The following PCDHA8 variants were observed in gnomAD, a reference collection of about 807,000 sequenced individuals.
PCDHA8 encodes protocadherin alpha 8, also known as protocadherin alpha-8.
Under a neutral mutation model 61.8 loss-of-function variants are expected in PCDHA8, and 53 were observed. The ratio of observed to expected loss-of-function variants is 0.86; its 90% CI spans 0.69 to 1.08. PCDHA8 has a LOEUF of 1.08. PCDHA8 is among the 50% of genes least tolerant of loss of function. The pLI, the probability that PCDHA8 is intolerant of heterozygous loss-of-function variation, is 0.00. For synonymous variants in PCDHA8, 618 were observed against 556.6 expected (o/e 1.11, Z -1.55); for missense variants, 1,293 against 1,245.0 (o/e 1.04, Z -0.58).
Position 140,862,422 on chromosome 5 carries a change from A to G in PCDHA8, c.2394+18707A>G, listed in dbSNP as rs76178077. On this transcript the variant is annotated intron_variant, in intron 1 of 3. Transcript: ENST00000531613. Reference sequence around the variant, plus strand: ...TGTCTACCTTCAAAAGGCGCTGCCCAGAAACTATTCGTTGGTACTCCACAG... The same window carrying G: ...TGTCTACCTTCAAAAGGCGCTGCCCGGAAACTATTCGTTGGTACTCCACAG... The G allele has an allele frequency of 2.5e-3, 872 of 353,812 alleles. 5 individuals are homozygous for G. Among genetic ancestry groups the G allele is most frequent in the African/African-American group, 0.018 (823 of 46,772 alleles). The allele number at this position is 353,812 out of a possible 1,614,324, so 21.9% of individuals were successfully genotyped here.
rs544074425 is a variant in PCDHA8, at chr5:140,965,070, C to A, written c.2395-13879C>A. Among the ~76,000 whole-genome samples the A allele has an allele frequency of 1.2e-4, 19 of 152,306 alleles. 1 individual carries two copies. In the South Asian group the frequency reaches 3.9e-3, roughly 32 times the overall value. On this transcript the variant is annotated intron_variant, in intron 1 of 3. Coordinates refer to ENST00000531613, the MANE Select transcript of PCDHA8 (RefSeq NM_018911.3). ...GGGAAGCATGCCAAATGTCAGGTCT[C>A]ACTCTGACTTTGTTCCAGTCCATAG... is the stretch of plus-strand genomic sequence containing the variant.
intron 1 of PCDHA8, chr5:140,927,852 A>C: frequency 6.2e-7 from 1 of 1,614,218 alleles, no homozygotes; most frequent in Non-Finnish European, 8.5e-7. Flanking sequence ...TCTTTGGTTT[A>C]GCTAGCACCG....
At chr5:140,868,969 T>G (rs986271383) in intron 1 of PCDHA8, 1 of 1,450,578 alleles carries the variant, frequency 6.9e-7, no homozygotes, top group South Asian at 1.4e-5. Flanking sequence ...ACAAAGGAAC[T>G]CCATCATACC....
chr5:140,855,039 TG>T lies in PCDHA8; in HGVS notation c.2394+11325del, dbSNP rs1451069015. ...AAACTTCTTGTATAAAGGATTTTTC[TG>T]TAATAGTACTTTTCTGTTTTCTTAA... On this transcript the variant is annotated intron_variant, in intron 1 of 3. Transcript: ENST00000531613. Among the ~76,000 whole-genome samples, 12 of 150,016 alleles carry T rather than the reference TG, an allele frequency of 8.0e-5. 1 individual carries two copies. Among genetic ancestry groups the T allele is most frequent in the African/African-American group, 2.9e-4 (12 of 40,938 alleles).
rs782094851 is a variant in PCDHA8, at chr5:140,857,519, T to C, written c.2394+13804T>C. 175 of 1,597,972 alleles carry C rather than the reference T, an allele frequency of 1.1e-4. 14 individuals are homozygous for C. The highest frequency in any genetic ancestry group is 1.4e-4 in the Non-Finnish European group (163 of 1,167,816). On this transcript the variant is annotated intron_variant, in intron 1 of 3. Coordinates refer to ENST00000531613, the MANE Select transcript of PCDHA8 (RefSeq NM_018911.3). ...CGCGCAGGAGAACGCCCTGGTGTCCTACTCTCTGGTGGAGCGGCGGTTGGG... is the reference window on the plus strand; with the variant it reads ...CGCGCAGGAGAACGCCCTGGTGTCCCACTCTCTGGTGGAGCGGCGGTTGGG...
Position 140,857,279 on chromosome 5 carries a change from G to T in PCDHA8, c.2394+13564G>T, listed in dbSNP as rs782434219. ...TTACTACTCATTGGTGCTGGACAGC[G>T]CTCTGGACCGCGAGAGGGTGTCGGC... On this transcript the variant is annotated intron_variant, in intron 1 of 3. Transcript: ENST00000531613. 22 of 1,598,726 alleles carry T rather than the reference G, an allele frequency of 1.4e-5. No homozygotes were observed. The East Asian group carries it at 4.7e-4, about 34-fold the overall frequency.
intron 1 of PCDHA8, among the ~76,000 whole-genome samples, chr5:140,941,907 CT>C (rs1379926904): frequency 7.2e-5 from 11 of 152,106 alleles, no homozygotes; most frequent in African/African-American, 2.7e-4. Context: ...CATTGAAATG[CT>C]TTTATGTATA....
chr5:140,941,214 C>CTTCTTTCTTTCTTT (rs1554214039), intron 1 of PCDHA8, among the ~76,000 whole-genome samples: 1 of 122,414 alleles, frequency 8.2e-6, no homozygotes. Flanking sequence ...TTTCTTTCTT[C>CTTCTTTCTTTCTTT]CTTTCTTTCT....
At chr5:140,882,188 A>G (rs1446435577) in intron 1 of PCDHA8, 6 of 1,519,650 alleles carry the variant, frequency 3.9e-6, no homozygotes, top group African/African-American at 1.4e-5. Context: ...CTAGGAAGCC[A>G]TAAAAATTGG....
intron 1 of PCDHA8, chr5:140,927,596 G>T: frequency 6.2e-7 from 1 of 1,614,162 alleles, no homozygotes; most frequent in Non-Finnish European, 8.5e-7. Context: ...GTATTTGAGC[G>T]CTCCGTATAC....
intron 1 of PCDHA8, chr5:140,864,831 A>G (rs2048618192): frequency 1.3e-5 from 2 of 152,186 alleles, no homozygotes; most frequent in Non-Finnish European, 2.9e-5. Context: ...GGCTTTAAGT[A>G]TAAGAGAGTC....
intron 1 of PCDHA8, chr5:140,869,676 A>G (rs1264007224): frequency 6.2e-7 from 1 of 1,613,486 alleles, no homozygotes; most frequent in African/African-American, 1.3e-5. Flanking sequence ...AGATTAAAAG[A>G]CTGTCACTTA....
At chr5:140,939,521 T>C (rs540311861) in intron 1 of PCDHA8, among the ~76,000 whole-genome samples, 3 of 152,326 alleles carry the variant, frequency 2.0e-5, no homozygotes, top group Non-Finnish European at 2.9e-5. Flanking sequence ...TTAATAGTTA[T>C]AGAATTATAC....
rs2041909016 is a variant in PCDHA8, at chr5:140,850,973, A to G, written c.2394+7258A>G. 2.1e-6 allele frequency: 3 copies of G among 1,455,694 alleles called. No individual in the cohort carries two copies. In the South Asian group the frequency reaches 4.4e-5, roughly 21 times the overall value. 90.2% of individuals were successfully genotyped at this position (1,455,694 alleles called of 1,614,324 possible). A position where few individuals can be genotyped will look rare whatever the true frequency, so the allele number is the denominator to read the frequency against. ...GATTACTCCCAGGGGCCGTTCAAATAGTTTTATTCATTTTTCTAGAAATCC... is the reference window on the plus strand; with the variant it reads ...GATTACTCCCAGGGGCCGTTCAAATGGTTTTATTCATTTTTCTAGAAATCC... On this transcript the variant is annotated intron_variant, in intron 1 of 3. Transcript: ENST00000531613.
rs142720081 is a variant in PCDHA8, at chr5:141,009,771, T to G, written c.2687T>G (p.Ile896Ser). 1 of 1,614,082 alleles carries G rather than the reference T, an allele frequency of 6.2e-7. No individual in the cohort carries two copies. The change falls in exon 4 of 4, where the codon ATC becomes AGC. Residue 896 changes from isoleucine to serine, a missense_variant. Physicochemically the swap from Ile to Ser is moderately radical, Grantham distance 142. Transcript: ENST00000531613. ...DKFIIPGSPA[I>S]ISIRQEPTNS... ...TTCATTATCCCAGGATCTCCTGCAA[T>G]CATCTCCATCCGGCAGGAGCCTACT...
At chr5:140,897,471 G>A (rs1260992963) in intron 1 of PCDHA8, among the ~76,000 whole-genome samples, 3 of 151,810 alleles carry the variant, frequency 2.0e-5, no homozygotes, top group Non-Finnish European at 4.4e-5. Flanking sequence ...AGTTTACTGA[G>A]AATGATGATT....
intron 1 of PCDHA8, among the ~76,000 whole-genome samples, chr5:140,880,167 G>A (rs1363011800): frequency 2.0e-5 from 3 of 152,160 alleles, no homozygotes; most frequent in African/African-American, 7.2e-5. Context: ...TATGTTAGAA[G>A]TTAAACATGA....
In PCDHA8 at chr5:140,870,604, C is replaced by A. The variant is rs376574285; in HGVS notation, c.2394+26889C>A. 10 of 1,613,134 alleles carry A rather than the reference C, an allele frequency of 6.2e-6. No homozygotes were observed. The African/African-American group carries it at 6.7e-5, about 11-fold the overall frequency. Reference sequence around the variant, plus strand: ...GCTGGTGGAGCGGCGGTTGGGCGACCGCGCGCTGTCGAGCTACGTGTCGGT... The same window carrying A: ...GCTGGTGGAGCGGCGGTTGGGCGACAGCGCGCTGTCGAGCTACGTGTCGGT... On this transcript the variant is annotated intron_variant, in intron 1 of 3. Coordinates refer to ENST00000531613, the MANE Select transcript of PCDHA8 (RefSeq NM_018911.3).
intron 1 of PCDHA8, chr5:140,865,437 T>C (rs951308725): frequency 3.3e-5 from 5 of 152,200 alleles, no homozygotes; most frequent in Non-Finnish European, 7.3e-5. Context: ...GAAAAATAAC[T>C]TCTGAGAAGA....
Sources: allele counts gnomAD v4.1 joint callset (sites outside exome capture counted in the v4.1 genomes callset), GRCh38; gene constraint gnomAD v4.1.1; transcripts MANE v1.5; gene names NCBI Gene and HGNC (gene_info 2026-07-23, HGNC 2026-07-21).